Variants in NPNT observed in about 807,000 individuals in gnomAD.
NPNT encodes the protein preosteoblast EGF-like repeat protein with MAM domain.
In NPNT, 45 loss-of-function variants were observed where a neutral mutation model predicts 68.6. The observed-to-expected ratio is 0.66, with a 90% confidence interval of 0.52 to 0.84. NPNT has a LOEUF of 0.84. Ranked by LOEUF, NPNT falls within the 40% of genes least tolerant of loss-of-function variation. NPNT has a pLI of 0.00. For synonymous variants in NPNT, 233 were observed against 253.3 expected (o/e 0.92, Z 0.76); for missense variants, 672 against 714.8 (o/e 0.94, Z 0.68).
chr4:105,932,657 T>C, intron 3 of NPNT: 2 of 1,536,088 alleles, frequency 1.3e-6, no homozygotes, highest in Non-Finnish European at 1.7e-6. Context: ...GTGAACAGCC[T>C]CTTTTCCAAC....
chr4:105,920,134 C>T (rs1728140190), intron 2 of NPNT, among the ~76,000 whole-genome samples: 1 of 151,808 alleles, frequency 6.6e-6, no homozygotes, highest in South Asian at 2.1e-4. Context: ...TTATCAATAA[C>T]TACCGTTATT....
intron 2 of NPNT, among the ~76,000 whole-genome samples, chr4:105,907,255 A>G (rs1482221462): frequency 6.6e-6 from 1 of 152,178 alleles, no homozygotes; most frequent in African/African-American, 2.4e-5. Context: ...GCCCTAGGCA[A>G]TAGAACCTGA....
At chr4:105,940,026 C>T in intron 5 of NPNT, 49 bp from the exon 6 acceptor site, 4 of 1,568,948 alleles carry the variant, frequency 2.5e-6, no homozygotes, top group Non-Finnish European at 3.5e-6. Context: ...CCCACTCTGT[C>T]TTAACATACC....
chr4:105,942,107 G>A (rs1435167602), intron 7 of NPNT, among the ~76,000 whole-genome samples, 200 bp from the exon 8 acceptor site: 3 of 9,152 alleles, frequency 3.3e-4, no homozygotes, highest in East Asian at 0.01. Context: ...GTGTGTGTCT[G>A]TGTGTGTGTA....
At chr4:105,905,295 C>A (rs904816979) in intron 2 of NPNT, among the ~76,000 whole-genome samples, 3 of 152,002 alleles carry the variant, frequency 2.0e-5, no homozygotes, top group Non-Finnish European at 4.4e-5. Flanking sequence ...AAATTGTCTC[C>A]TTTTAGAAAA....
At chr4:105,955,634 C>T (rs1426276498) in intron 8 of NPNT, among the ~76,000 whole-genome samples, 1 of 151,488 alleles carries the variant, frequency 6.6e-6, no homozygotes, top group Non-Finnish European at 1.5e-5. Flanking sequence ...ATTTCTAATA[C>T]TTAGATTACC....
intron 2 of NPNT, among the ~76,000 whole-genome samples, chr4:105,925,609 G>C (rs1415060102): frequency 6.6e-6 from 1 of 152,176 alleles, no homozygotes; most frequent in African/African-American, 2.4e-5. Flanking sequence ...AACAGCATGG[G>C]TTAAAATGGG....
intron 8 of NPNT, among the ~76,000 whole-genome samples, chr4:105,948,773 T>C (rs527412982): frequency 6.6e-6 from 1 of 152,264 alleles, no homozygotes; most frequent in Non-Finnish European, 1.5e-5. Context: ...TTTATTTTTA[T>C]TTTTTGTGGA....
chr4:105,946,472 A>G (rs958318405), intron 8 of NPNT, among the ~76,000 whole-genome samples: 1 of 152,152 alleles, frequency 6.6e-6, no homozygotes, highest in African/African-American at 2.4e-5. Flanking sequence ...ATATTTTAAC[A>G]TAGGTTCTTT....
At chr4:105,968,452 T>G (rs1212483158) in intron 11 of NPNT, among the ~76,000 whole-genome samples, 2 of 152,236 alleles carry the variant, frequency 1.3e-5, no homozygotes, top group Admixed American at 6.5e-5. Flanking sequence ...TGGTGTTTGA[T>G]TCTATTCCAT....
chr4:105,940,573 A>G lies in NPNT; in HGVS notation c.700A>G (p.Ile234Val), dbSNP rs4340795. 0.91 allele frequency: 1,464,713 copies of G among 1,612,610 alleles called. 667,032 individuals carry two copies. The highest frequency in any genetic ancestry group is 1 in the East Asian group (44,838 of 44,844). ...CAGCAGCTTTGCTCGATGTTATAAC[A>G]TACGTGGGTCCTACAAGTGCAAATG... is the stretch of plus-strand genomic sequence containing the variant. ...QCSSFARCYN[I>V]RGSYKCKCKE... The change falls in exon 7 of 12, where the codon ATA (isoleucine) becomes GTA (valine). Residue 234 changes from isoleucine (I) to valine (V), a missense_variant. By Grantham distance (29) the Ile-to-Val change is conservative. Coordinates refer to ENST00000379987, the MANE Select transcript of NPNT (RefSeq NM_001033047.3).
intron 3 of NPNT, among the ~76,000 whole-genome samples, chr4:105,934,558 G>A (rs1729366816): frequency 6.6e-6 from 1 of 152,210 alleles, no homozygotes; most frequent in South Asian, 2.1e-4. Flanking sequence ...AATGATGGCA[G>A]TCACTAGGGA....
intron 2 of NPNT, among the ~76,000 whole-genome samples, chr4:105,906,449 G>A (rs1459663802): frequency 6.6e-6 from 1 of 152,134 alleles, no homozygotes. Flanking sequence ...ACAGTTCACG[G>A]AAAGCTGTTC....
At chr4:105,932,615 C>T (rs948086326) in intron 3 of NPNT, 15 of 1,533,208 alleles carry the variant, frequency 9.8e-6, no homozygotes, top group Admixed American at 2.0e-5. Context: ...GGTGTGAAGA[C>T]GAGCACATCC....
Position 105,968,972 on chromosome 4 carries a change from C to A in NPNT, c.1680C>A (p.His560Gln). 6.2e-7 allele frequency: 1 copy of A among 1,604,498 alleles called. No homozygotes were observed. Among genetic ancestry groups the A allele is most frequent in the Non-Finnish European group, 8.5e-7 (1 of 1,172,016 alleles). Residue 560 changes from histidine to glutamine, a missense_variant, in exon 12 of 12, where the codon CAC becomes CAA. Physicochemically the swap from His to Gln is conservative, Grantham distance 24. Coordinates refer to ENST00000379987, the MANE Select transcript of NPNT (RefSeq NM_001033047.3). Reference protein sequence around the residue: ...GLDDVSLKKGHCSEER With the variant: ...GLDDVSLKKGQCSEER ...ATGATGTGAGCTTGAAAAAAGGCCA[C>A]TGCTCTGAAGAACGCTAACAACTCC...
intron 2 of NPNT, among the ~76,000 whole-genome samples, chr4:105,898,753 CAA>C (rs899210490): frequency 1.3e-5 from 2 of 152,148 alleles, no homozygotes; most frequent in Admixed American, 1.3e-4. Flanking sequence ...AGAGCTACAT[CAA>C]AAGAGTTTGA....
intron 1 of NPNT, 27 bp downstream of exon 1, chr4:105,895,750 C>T: frequency 6.5e-7 from 1 of 1,540,770 alleles, no homozygotes; most frequent in Non-Finnish European, 8.8e-7. Flanking sequence ...GGCGCCCTCT[C>T]CTCCTTCCCG....
chr4:105,896,589 T>C (rs111857684), intron 1 of NPNT, among the ~76,000 whole-genome samples: 11,150 of 152,252 alleles, frequency 0.073, 1,347 homozygotes, highest in African/African-American at 0.25. Flanking sequence ...GCGCACACCG[T>C]CGCCCGGTCG....
chr4:105,905,466 A>G (rs982805019), intron 2 of NPNT, among the ~76,000 whole-genome samples: 3 of 152,008 alleles, frequency 2.0e-5, no homozygotes, highest in Non-Finnish European at 4.4e-5. Context: ...ATTTCTTAAC[A>G]TTTTCAAAAT....
Sources: gnomAD v4.1 joint callset for allele counts (sites outside exome capture counted in the v4.1 genomes callset) on GRCh38, gnomAD v4.1.1 for gene constraint, MANE v1.5 for transcripts, NCBI Gene and HGNC (gene_info 2026-07-23, HGNC 2026-07-21) for gene names.